Variants in ZBTB16 observed in about 807,000 individuals in gnomAD.
ZBTB16 encodes zinc finger and BTB domain-containing protein 16.
In ZBTB16, 8 loss-of-function variants were observed where a neutral mutation model predicts 56.8. The observed-to-expected ratio is 0.14, with a 90% CI of 0.08 to 0.25. ZBTB16 has a LOEUF of 0.25. Ranked by LOEUF, ZBTB16 falls within the 10% of genes least tolerant of loss-of-function variation. The pLI, the probability that ZBTB16 is intolerant of heterozygous loss-of-function variation, is 1.00. For missense variants in ZBTB16, 625 were observed against 903.0 expected, an observed-to-expected ratio of 0.69 and a Z score of 3.95; for synonymous variants, 363 against 368.5, an observed-to-expected ratio of 0.98 and a Z score of 0.17.
intron 2 of ZBTB16, among the ~76,000 whole-genome samples, chr11:114,076,588 C>T (rs762509158): frequency 1.4e-4 from 22 of 152,216 alleles, no homozygotes; most frequent in African/African-American, 4.1e-4. Context: ...ATTAAGGATC[C>T]GCTAACATTT....
At chr11:114,130,679 C>T (rs1408404314) in intron 2 of ZBTB16, among the ~76,000 whole-genome samples, 1 of 152,218 alleles carries the variant, frequency 6.6e-6, no homozygotes, top group Non-Finnish European at 1.5e-5. Flanking sequence ...TTCATTTCAT[C>T]TCCTCTGCAG....
At position 114,167,216 on chromosome 11, in the gene ZBTB16, GTTTTTTTTTTTTTTGGTTTTTTT is replaced by G. The variant is rs1274565997; in HGVS notation, c.1366+10798_1366+10820del. On this transcript the variant is annotated intron_variant, in intron 3 of 6. Transcript: ENST00000335953. ...AGCCTCGGGCCATTATGGATTTGTGGTTTTTTTTTTTTTTGGTTTTTTTTTTTTTTTTTTTTTGACAAGCTTGG... is the reference window on the plus strand; with the variant it reads ...AGCCTCGGGCCATTATGGATTTGTGGTTTTTTTTTTTTTTGACAAGCTTGG... Among the ~76,000 whole-genome samples the G allele has an allele frequency of 1.9e-4, 15 of 79,966 alleles. No homozygotes were observed. In the East Asian group the frequency reaches 3.6e-3, roughly 19 times the overall value. The allele number at this position is 79,966 out of a possible 152,430, so 52.5% of individuals were successfully genotyped here.
chr11:114,238,444 T>C (rs1212307817), intron 4 of ZBTB16, among the ~76,000 whole-genome samples: 1 of 151,534 alleles, frequency 6.6e-6, no homozygotes, highest in Non-Finnish European at 1.5e-5. Context: ...CTGGTGAGGG[T>C]CCTCCTCCTG....
chr11:114,148,863 GGTGTGTGTGTGTGTGTGT>G (rs35071911), intron 2 of ZBTB16, among the ~76,000 whole-genome samples: 3 of 144,048 alleles, frequency 2.1e-5, no homozygotes, highest in East Asian at 2.1e-4. Context: ...GTTTTTTACT[GGTGTGTGTGTGTGTGTGT>G]GTGTGTGTGT....
rs1180810929 is a variant in ZBTB16 at position 114,256,147 on chromosome 11, C to T, written c.*5592C>T. Among the ~76,000 whole-genome samples, 2 of 151,592 alleles carry T rather than the reference C, an allele frequency of 1.3e-5. No individual in the cohort carries two copies. The highest frequency in any genetic ancestry group is 1.9e-4 in the East Asian group (1 of 5,154). ...CACATATTTAGACTTATCTATGTGT[C>T]ACTTTTATGCCACATTTACAAGGCA... On this transcript the variant is annotated 3_prime_UTR_variant, in exon 7 of 7. Coordinates refer to ENST00000335953, the MANE Select transcript of ZBTB16 (RefSeq NM_006006.6).
intron 2 of ZBTB16, among the ~76,000 whole-genome samples, chr11:114,127,057 G>A (rs1228635527): frequency 1.3e-5 from 2 of 152,126 alleles, no homozygotes; most frequent in African/African-American, 4.8e-5. Flanking sequence ...TTGGACCCCA[G>A]GGTTAGCACT....
intron 3 of ZBTB16, among the ~76,000 whole-genome samples, chr11:114,157,353 C>CA (rs1361226129): frequency 6.6e-6 from 1 of 152,196 alleles, no homozygotes. Flanking sequence ...TTGTGAACCT[C>CA]AGTTTCTGCA....
intron 3 of ZBTB16, among the ~76,000 whole-genome samples, chr11:114,161,410 A>G (rs1942586199): frequency 6.6e-6 from 1 of 152,230 alleles, no homozygotes; most frequent in Admixed American, 6.5e-5. Flanking sequence ...AACAGTGAAG[A>G]CTGCTACAAC....
chr11:114,064,186 C>A lies in ZBTB16; in HGVS notation c.886C>A (p.His296Asn). ...CGTCATCACCAGTGCTAGGGAGCTA[C>A]ACTATGGGCGAGAGGAGAGTGCCGA... ...SSVITSAREL[H>N]YGREESAEQV... The change falls in exon 2 of 7, where the codon CAC (histidine) becomes AAC (asparagine). Residue 296 changes from histidine to asparagine, a missense_variant. His to Asn is a moderately conservative substitution (Grantham distance 68, BLOSUM62 1). Around this residue, in one of 6 missense-constraint regions of ZBTB16, gnomAD observed 384 missense variants for 393.5 expected, o/e 0.98. Coordinates refer to ENST00000335953, the MANE Select transcript of ZBTB16 (RefSeq NM_006006.6). This position sits in a 1 kb window ranked among gnomAD's most constrained non-coding sequence, Gnocchi z 4.2. 6.2e-7 allele frequency: 1 copy of A among 1,613,952 alleles called. No homozygotes were observed. The highest frequency in any genetic ancestry group is 8.5e-7 in the Non-Finnish European group (1 of 1,180,022).
At chr11:114,235,706 TTC>T (rs1944567573) in intron 4 of ZBTB16, among the ~76,000 whole-genome samples, 1 of 137,324 alleles carries the variant, frequency 7.3e-6, no homozygotes, top group Non-Finnish European at 1.6e-5. Flanking sequence ...TTTCTTTCTT[TTC>T]TTTCTTTCTT....
intron 6 of ZBTB16, among the ~76,000 whole-genome samples, chr11:114,249,052 T>A (rs1944867548): frequency 6.6e-6 from 1 of 152,152 alleles, no homozygotes; most frequent in Admixed American, 6.5e-5. Context: ...AGTTGGGGTA[T>A]AGAACGCTAG....
chr11:114,098,541 TAA>T (rs5794903), intron 2 of ZBTB16, among the ~76,000 whole-genome samples: 490 of 143,830 alleles, frequency 3.4e-3, no homozygotes, highest in East Asian at 3.4e-3. Context: ...TGACTTAAAT[TAA>T]AAAAAAAAAA....
intron 2 of ZBTB16, among the ~76,000 whole-genome samples, chr11:114,066,860 T>G (rs542179859): frequency 7.3e-6 from 1 of 136,698 alleles, no homozygotes; most frequent in African/African-American, 2.8e-5. Flanking sequence ...AGTCTCCACC[T>G]CCCGGGTTCA....
At chr11:114,247,397 C>T in intron 6 of ZBTB16, 32 bp downstream of exon 6, 1 of 1,613,788 alleles carries the variant, frequency 6.2e-7, no homozygotes, top group Non-Finnish European at 8.5e-7. Context: ...CCTGAGCTGG[C>T]TCTGGGACCT....
intron 3 of ZBTB16, among the ~76,000 whole-genome samples, chr11:114,169,803 G>A (rs528660406): frequency 3.5e-4 from 53 of 152,326 alleles, no homozygotes; most frequent in African/African-American, 1.0e-3. Context: ...GGAGAGCTTC[G>A]GGAAGGAGGT....
chr11:114,224,552 A>G (rs1400587710), intron 4 of ZBTB16, among the ~76,000 whole-genome samples: 2 of 152,168 alleles, frequency 1.3e-5, no homozygotes, highest in African/African-American at 4.8e-5. Flanking sequence ...CCCACTGGAT[A>G]TGTCCATTTT....
intron 4 of ZBTB16, among the ~76,000 whole-genome samples, chr11:114,218,506 C>T (rs1182166768): frequency 6.6e-6 from 1 of 152,224 alleles, no homozygotes; most frequent in Non-Finnish European, 1.5e-5. Context: ...TGGCTTGGCA[C>T]TTCGGGACCA....
chr11:114,116,783 G>T (rs1941187380), intron 2 of ZBTB16, among the ~76,000 whole-genome samples: 1 of 152,172 alleles, frequency 6.6e-6, no homozygotes, highest in Non-Finnish European at 1.5e-5. Context: ...TCCAAGCGGG[G>T]AATGATCACA....
At position 114,134,385 on chromosome 11, in the gene ZBTB16, T is replaced by G. The variant is rs1345143684; in HGVS notation, c.1269-21952T>G. Among the ~76,000 whole-genome samples the G allele has an allele frequency of 2.0e-5, 3 of 152,274 alleles. No homozygotes were observed. The East Asian group carries it at 5.8e-4, about 29-fold the overall frequency. ...TTCTTTTTTCTTTTGTACTTTTTGGTATCCAAACTTGGTGGTAGCAGAAGG... is the reference window on the plus strand; with the variant it reads ...TTCTTTTTTCTTTTGTACTTTTTGGGATCCAAACTTGGTGGTAGCAGAAGG... On this transcript the variant is annotated intron_variant, in intron 2 of 6. Coordinates refer to ENST00000335953, the MANE Select transcript of ZBTB16 (RefSeq NM_006006.6).
Sources: gnomAD v4.1 joint callset for allele counts (sites outside exome capture counted in the v4.1 genomes callset) on GRCh38, gnomAD v4.1.1 for gene constraint, gnomAD v4.1.1 regional missense constraint, Gnocchi (gnomAD v3.1) non-coding constraint, MANE v1.5 for transcripts, NCBI Gene and HGNC (gene_info 2026-07-23, HGNC 2026-07-21) for gene names.